Variants in OXNAD1 observed in about 807,000 individuals in gnomAD.
OXNAD1 encodes the protein oxidoreductase NAD-binding domain-containing protein 1.
OXNAD1 carries 34 observed loss-of-function variants against 32.9 expected under a neutral mutation model. That is an observed-to-expected ratio of 1.03 (90% confidence interval 0.79 to 1.38). The LOEUF (loss-of-function observed/expected upper bound fraction) is 1.38. OXNAD1 is among the 40% of genes most tolerant of loss of function. The pLI is 0.00. For missense variants in OXNAD1, 407 were observed against 379.4 expected (o/e 1.07, Z -0.60); for synonymous variants, 134 against 135.2 (o/e 0.99, Z 0.06).
At chr3:16,350,644 C>T (rs1318852108), downstream of OXNAD1, among the ~76,000 whole-genome samples, 2 of 152,160 alleles carry the variant, frequency 1.3e-5, no homozygotes, top group South Asian at 2.1e-4. Flanking sequence ...ATTCTGACTT[C>T]CTCGTTACTC....
chr3:16,283,243 G>A (rs957945638), intron 4 of OXNAD1, among the ~76,000 whole-genome samples: 4 of 152,162 alleles, frequency 2.6e-5, no homozygotes, highest in African/African-American at 9.7e-5. Context: ...TGCATACCCT[G>A]TTCCCCAGTT....
intron 9 of OXNAD1, among the ~76,000 whole-genome samples, chr3:16,311,182 AAAAATATTATAT>A (rs2067958663): frequency 8.0e-6 from 1 of 124,264 alleles, no homozygotes; most frequent in African/African-American, 3.1e-5. Flanking sequence ...GTCTTTTTTT[AAAAATATTATAT>A]ATTTTATATA....
Position 16,265,429 on chromosome 3 carries a change from CAGT to C in OXNAD1, c.-234_-232del. 6.5e-6 allele frequency: 1 copy of C among 154,356 alleles called. No individual in the cohort carries two copies. Among genetic ancestry groups the C allele is most frequent in the Non-Finnish European group, 1.4e-5 (1 of 68,984 alleles). The allele number at this position is 154,356 out of a possible 1,614,324, so 9.6% of individuals were successfully genotyped here. A position where few individuals can be genotyped will look rare whatever the true frequency, so the allele number is the denominator to read the frequency against. ...ACCTCCCTTCCTGGTGACGGACGAA[CAGT>C]TCCCGTAGAATTTCGCTTCACCGAG... On this transcript the variant is annotated 5_prime_UTR_variant, in exon 1 of 9. Coordinates refer to ENST00000285083, the MANE Select transcript of OXNAD1 (RefSeq NM_138381.5). This position sits in a 1 kb window ranked among gnomAD's most constrained non-coding sequence, Gnocchi z 4.8.
Position 16,269,258 on chromosome 3 carries a change from A to G in OXNAD1, c.-26A>G. 1 of 1,535,314 alleles carries G rather than the reference A, an allele frequency of 6.5e-7. No individual in the cohort carries two copies. The highest frequency in any genetic ancestry group is 8.7e-7 in the Non-Finnish European group (1 of 1,146,744). ...GACCATATACTTAATGACTCCTAAA[A>G]TCTCGTGGACTTCTAAGGTAAGTTT... On this transcript the variant is annotated 5_prime_UTR_variant, in exon 2 of 9. Coordinates refer to ENST00000285083, the MANE Select transcript of OXNAD1 (RefSeq NM_138381.5).
At chr3:16,293,343 A>C (rs1390091410) in intron 5 of OXNAD1, among the ~76,000 whole-genome samples, 2 of 152,174 alleles carry the variant, frequency 1.3e-5, no homozygotes, top group African/African-American at 2.4e-5. Context: ...TAGTGTATAG[A>C]GATACAGTTG....
chr3:16,328,895 G>GA (rs1431862713), intron 9 of OXNAD1, among the ~76,000 whole-genome samples: 2 of 152,086 alleles, frequency 1.3e-5, no homozygotes, highest in African/African-American at 2.4e-5. Flanking sequence ...TTCTCCATGA[G>GA]AAAAAAATAT....
At chr3:16,333,523 AAAG>A (rs1386814092) in intron 9 of OXNAD1, among the ~76,000 whole-genome samples, 3 of 152,206 alleles carry the variant, frequency 2.0e-5, no homozygotes, top group Non-Finnish European at 4.4e-5. Flanking sequence ...ATTTTTCAGA[AAAG>A]AAATAGATGC....
chr3:16,316,769 G>A lies in OXNAD1; in HGVS notation c.*30+13177G>A, dbSNP rs1170128177. On this transcript the variant is annotated intron_variant, in intron 9 of 9. Coordinates refer to the OXNAD1 transcript ENST00000435829. This position sits in a 1 kb window ranked among gnomAD's most constrained non-coding sequence, Gnocchi z 4.5. ...AGGGAAACCAGCCCCCAAACCAGCT[G>A]TTGGTAAGATGCCTTGGGTTTGGCA... 10 of 1,600,728 alleles carry A rather than the reference G, an allele frequency of 6.2e-6. No homozygotes were observed. Among genetic ancestry groups the A allele is most frequent in the African/African-American group, 1.3e-5 (1 of 74,562 alleles).
At chr3:16,270,801 A>T in intron 2 of OXNAD1, 144 bp from the exon 3 acceptor site, 1 of 1,182,774 alleles carries the variant, frequency 8.5e-7, no homozygotes, top group Non-Finnish European at 1.2e-6. Flanking sequence ...AGGTGAAGTT[A>T]GGCTCTTGGC....
downstream of OXNAD1, among the ~76,000 whole-genome samples, chr3:16,350,548 A>G (rs2072031592): frequency 6.6e-6 from 1 of 151,924 alleles, no homozygotes; most frequent in Non-Finnish European, 1.5e-5. Flanking sequence ...TTCTGTAAAC[A>G]GGTGTGTAAC....
At chr3:16,307,219 T>C (rs1182519432), downstream of OXNAD1, among the ~76,000 whole-genome samples, 1 of 152,270 alleles carries the variant, frequency 6.6e-6, no homozygotes, top group Non-Finnish European at 1.5e-5. Context: ...TGGCTTTTTA[T>C]ACATTTGATT....
intron 9 of OXNAD1, among the ~76,000 whole-genome samples, chr3:16,326,153 C>A (rs562192567): frequency 1.3e-5 from 2 of 152,280 alleles, no homozygotes; most frequent in South Asian, 4.1e-4. Context: ...AGATGGAGGG[C>A]CTTTTATGGT....
Position 16,326,989 on chromosome 3 carries a change from C to G in OXNAD1, c.*31-10123C>G, listed in dbSNP as rs939519884. On this transcript the variant is annotated intron_variant, in intron 9 of 9. Coordinates refer to the OXNAD1 transcript ENST00000435829. ...CAAAACAGAAAAGAAGTGGCGGTGC[C>G]CGGCCACTCAGAGGCTCCTGCTCCG... The G allele has an allele frequency of 6.8e-6, 5 of 733,570 alleles. No individual in the cohort carries two copies. The African/African-American group carries it at 8.9e-5, about 13-fold the overall frequency. The allele number at this position is 733,570 out of a possible 1,614,324, so 45.4% of individuals were successfully genotyped here.
downstream of OXNAD1, among the ~76,000 whole-genome samples, chr3:16,307,476 A>G (rs2125113819): frequency 6.6e-6 from 1 of 152,326 alleles, no homozygotes; most frequent in South Asian, 2.1e-4. Context: ...AGGAAAGATG[A>G]GGTCTGATGA....
intron 5 of OXNAD1, among the ~76,000 whole-genome samples, chr3:16,291,484 C>A (rs1182388886): frequency 6.6e-6 from 1 of 152,174 alleles, no homozygotes; most frequent in East Asian, 1.9e-4. Flanking sequence ...CTCTTATAGA[C>A]ATTTTATACC....
In OXNAD1 at chr3:16,301,836, A is replaced by G; in HGVS notation, c.643A>G (p.Ser215Gly). The G allele has an allele frequency of 6.2e-7, 1 of 1,614,062 alleles. No homozygotes were observed. Among genetic ancestry groups the G allele is most frequent in the Middle Eastern group, 1.7e-4 (1 of 6,060 alleles). The part of the protein sequence containing the change: ...YEIGTIKLFY[S>G]AKNTSELLFK... The stretch of plus-strand genomic sequence containing the variant: ...GATAGGAACAATAAAACTATTCTAC[A>G]GTGCAAAAAATACCAGCGAACTCCT... Residue 215 changes from serine to glycine, a missense_variant, in exon 7 of 9, where the codon AGT becomes GGT. Transcript: ENST00000285083. The surrounding 1 kb of genome is among the most constrained non-coding windows in gnomAD (Gnocchi z 4.1).
intron 6 of OXNAD1, among the ~76,000 whole-genome samples, chr3:16,300,774 C>G (rs1399342817): frequency 1.3e-5 from 2 of 151,584 alleles, no homozygotes; most frequent in Non-Finnish European, 2.9e-5. Context: ...GATTTGACCA[C>G]CAGCTTAGTA....
Position 16,303,606 on chromosome 3 carries a change from A to G in OXNAD1, c.*44A>G. The G allele has an allele frequency of 6.3e-7, 1 of 1,595,562 alleles. No individual in the cohort carries two copies. Among genetic ancestry groups the G allele is most frequent in the Non-Finnish European group, 8.5e-7 (1 of 1,171,036 alleles). ...AAAAATAAAGAGGTGAGATCTACTC[A>G]GGAGAGCTCCTGTCCTTTGTGGCAT... On this transcript the variant is annotated 3_prime_UTR_variant, in exon 9 of 9. Coordinates refer to ENST00000285083, the MANE Select transcript of OXNAD1 (RefSeq NM_138381.5). The surrounding 1 kb of genome is among the most constrained non-coding windows in gnomAD (Gnocchi z 4.8).
intron 5 of OXNAD1, among the ~76,000 whole-genome samples, chr3:16,293,039 A>G (rs1368907028): frequency 6.6e-6 from 1 of 152,208 alleles, no homozygotes; most frequent in Non-Finnish European, 1.5e-5. Flanking sequence ...TTTATGATCA[A>G]CTTGTCAATT....
Sources: gnomAD v4.1 joint callset for allele counts (sites outside exome capture counted in the v4.1 genomes callset) on GRCh38, gnomAD v4.1.1 for gene constraint, Gnocchi (gnomAD v3.1) non-coding constraint, MANE v1.5 for transcripts, NCBI Gene and HGNC (gene_info 2026-07-23, HGNC 2026-07-21) for gene names.